Variants in ATXN2 observed in about 807,000 individuals in gnomAD.
ATXN2 encodes the protein ataxin 2, also known as ataxin-2.
ATXN2 carries 37 observed loss-of-function variants against 138.6 expected under a neutral mutation model. The ratio of observed to expected loss-of-function variants is 0.27; its 90% CI spans 0.21 to 0.35. The LOEUF (loss-of-function observed/expected upper bound fraction) is 0.35. Among genes scored for constraint, ATXN2 ranks in the 10% least tolerant of loss-of-function variants. The pLI is 1.00. For missense variants in ATXN2, 1,216 were observed against 1,480.3 expected, an observed-to-expected ratio of 0.82 and a Z score of 2.93; for synonymous variants, 549 against 543.7, an observed-to-expected ratio of 1.01 and a Z score of -0.13.
intron 1 of ATXN2, among the ~76,000 whole-genome samples, chr12:111,566,998 G>GT (rs1470786157): frequency 6.6e-6 from 1 of 152,176 alleles, no homozygotes; most frequent in Non-Finnish European, 1.5e-5. Context: ...AGTAGAGCAA[G>GT]TAACTGCAGA....
chr12:111,485,931 A>G, intron 16 of ATXN2, 66 bp from the exon 17 acceptor site: 1 of 1,494,320 alleles, frequency 6.7e-7, no homozygotes, highest in Non-Finnish European at 9.1e-7. Context: ...CAATTTAAAG[A>G]CGGATTTTCC....
rs1673354572 is a variant in ATXN2 at position 111,552,861 on chromosome 12, A to G, written c.420+45T>C. 2 of 1,324,212 alleles carry G rather than the reference A, an allele frequency of 1.5e-6. No homozygotes were observed. Among genetic ancestry groups the G allele is most frequent in the African/African-American group, 3.0e-5 (2 of 65,728 alleles). 82.0% of individuals were successfully genotyped at this position (1,324,212 alleles called of 1,614,324 possible). A position where few individuals can be genotyped will look rare whatever the true frequency, so the allele number is the denominator to read the frequency against. ...AACTAGGTAAAACACTGACTATGAA[A>G]ATGTTCTTTTACTTTGTAAGAAAAA... On this transcript the variant is annotated intron_variant, in intron 4 of 24. Transcript: ENST00000673436. The surrounding 1 kb of genome is among the most constrained non-coding windows in gnomAD (Gnocchi z 4.1).
In ATXN2 at chr12:111,518,472, C is replaced by A. The variant is rs188956462; in HGVS notation, c.987-45G>T. ...TAAATCATTTTATTCTAAAAGGTAC[C>A]AAGCCAATGAAACATATCTAAAAGT... On this transcript the variant is annotated intron_variant, in intron 8 of 24. Transcript: ENST00000673436. 79 of 1,535,158 alleles carry A rather than the reference C, an allele frequency of 5.1e-5. No individual in the cohort carries two copies. Among genetic ancestry groups the A allele is most frequent in the Middle Eastern group, 1.7e-4 (1 of 5,718 alleles).
chr12:111,479,247 C>T (rs933835313), intron 18 of ATXN2: 3 of 291,292 alleles, frequency 1.0e-5, no homozygotes, highest in African/African-American at 4.4e-5. Context: ...TGAAATGCTA[C>T]CCAGCAATAA....
At chr12:111,495,991 A>AG (rs1878400285) in intron 14 of ATXN2, among the ~76,000 whole-genome samples, 1 of 151,692 alleles carries the variant, frequency 6.6e-6, no homozygotes, top group South Asian at 2.1e-4. Context: ...AAAAAAAAAA[A>AG]AAATCCAAAA....
chr12:111,590,577 T>C (rs1189268668), intron 1 of ATXN2, among the ~76,000 whole-genome samples: 1 of 151,492 alleles, frequency 6.6e-6, no homozygotes, highest in Non-Finnish European at 1.5e-5. Context: ...ACCAACTACA[T>C]GGGAGGCTAA....
Position 111,456,267 on chromosome 12 carries a change from A to G in ATXN2, c.3043-11T>C. 1 of 1,614,006 alleles carries G rather than the reference A, an allele frequency of 6.2e-7. No individual in the cohort carries two copies. The highest frequency in any genetic ancestry group is 8.5e-7 in the Non-Finnish European group (1 of 1,179,842). ...CTGGTGCTGATGGTGCTGCAAAGCG[A>G]CAGGAAAGAATTGAGAGGAAAACTT... On this transcript the variant is annotated splice_polypyrimidine_tract_variant and intron_variant, in intron 22 of 24. Transcript: ENST00000673436.
chr12:111,455,225 G>T (rs1055312120), intron 23 of ATXN2: 1 of 675,902 alleles, frequency 1.5e-6, no homozygotes, highest in South Asian at 1.5e-5. Flanking sequence ...CAATTCACCC[G>T]TAACAGCCCC....
rs1555246667 is a variant in ATXN2 at position 111,598,949 on chromosome 12, G to GGCGGCT, written c.85_86insAGCCGC (p.Gln28_Pro29insGlnPro). The GGCGGCT allele has an allele frequency of 4.2e-5, 60 of 1,412,072 alleles. No individual in the cohort carries two copies. In the South Asian group the frequency reaches 5.6e-4, roughly 13 times the overall value. The allele number at this position is 1,412,072 out of a possible 1,614,324, so 87.5% of individuals were successfully genotyped here. A position where few individuals can be genotyped will look rare whatever the true frequency, so the allele number is the denominator to read the frequency against. ...GCGGACATTGGCAGCCGCGGGCGGC[G>GGCGGCT]GCTGCTGCTGCTGCTGCTGCTGCTG... On this transcript the variant is annotated inframe_insertion, in exon 1 of 25. Coordinates refer to ENST00000673436, the MANE Select transcript of ATXN2 (RefSeq NM_001372574.1). The surrounding 1 kb of genome is among the most constrained non-coding windows in gnomAD (Gnocchi z 4.5).
At chr12:111,482,160 C>T (rs1024990476) in intron 18 of ATXN2, among the ~76,000 whole-genome samples, 5 of 150,900 alleles carry the variant, frequency 3.3e-5, no homozygotes, top group Non-Finnish European at 5.9e-5. Flanking sequence ...AAGACCAGCC[C>T]GGCCAACATG....
rs950439352 is a variant in ATXN2 at position 111,510,429 on chromosome 12, G to A, written c.1712C>T (p.Pro571Leu). 16 of 1,614,056 alleles carry A rather than the reference G, an allele frequency of 9.9e-6. No homozygotes were observed. Among genetic ancestry groups the A allele is most frequent in the Non-Finnish European group, 1.4e-5 (16 of 1,180,048 alleles). The change falls in exon 12 of 25, where the codon CCT becomes CTT. Residue 571 changes from proline (P) to leucine (L), a missense_variant. Pro to Leu is a moderately conservative substitution (Grantham distance 98). Coordinates refer to ENST00000673436, the MANE Select transcript of ATXN2 (RefSeq NM_001372574.1). ...AGCTCTGTTCGATGCAGGACTAGCA[G>A]GCGTAGGAGATGCAGCTGGAATAGG... ...AMPIPAASPT[P>L]ASPASNRAVT...
intron 1 of ATXN2, among the ~76,000 whole-genome samples, chr12:111,556,825 A>G (rs1020394653): frequency 6.6e-6 from 1 of 151,874 alleles, no homozygotes; most frequent in Non-Finnish European, 1.5e-5. Flanking sequence ...CAAAAAAAAA[A>G]AAAGAAAGAA....
At chr12:111,484,126 T>C (rs1266722288) in intron 18 of ATXN2, among the ~76,000 whole-genome samples, 5 of 152,162 alleles carry the variant, frequency 3.3e-5, no homozygotes, top group Non-Finnish European at 5.9e-5. Flanking sequence ...TTGAAGTTAG[T>C]TGCCCCTCTG....
At chr12:111,485,165 AAGTC>A (rs1326220663) in intron 18 of ATXN2, 96 bp downstream of exon 18, 2 of 1,126,812 alleles carry the variant, frequency 1.8e-6, no homozygotes, top group Admixed American at 1.9e-5. Context: ...CCTCATCAAA[AAGTC>A]AGAGCTAAAC....
chr12:111,598,513 G>T lies in ATXN2; in HGVS notation c.251+271C>A. The T allele has an allele frequency of 2.0e-6, 2 of 984,842 alleles. No homozygotes were observed. The highest frequency in any genetic ancestry group is 2.4e-6 in the Non-Finnish European group (2 of 829,790). 61.0% of individuals were successfully genotyped at this position (984,842 alleles called of 1,614,324 possible). Reference sequence around the variant, plus strand: ...GAGAACCCCTCCCAACACGCGTGGGGAGGGGAGGCCGCCCGCTCCCTCCAT... The same window carrying T: ...GAGAACCCCTCCCAACACGCGTGGGTAGGGGAGGCCGCCCGCTCCCTCCAT... On this transcript the variant is annotated intron_variant, in intron 1 of 24. Transcript: ENST00000673436. This position sits in a 1 kb window ranked among gnomAD's most constrained non-coding sequence, Gnocchi z 4.5.
chr12:111,555,281 G>A (rs1176314565), intron 2 of ATXN2, among the ~76,000 whole-genome samples: 4 of 152,052 alleles, frequency 2.6e-5, no homozygotes, highest in Non-Finnish European at 5.9e-5. Flanking sequence ...AAGAACAAGC[G>A]ACTTGTTCTT....
In ATXN2 at chr12:111,452,542, C is replaced by A. The variant is rs1049611990; in HGVS notation, c.*270G>T. On this transcript the variant is annotated 3_prime_UTR_variant, in exon 25 of 25. Transcript: ENST00000673436. ...AGGGTTATTAAAAAATAAATAACTTCCAGTTTCGGCAAGCAGAGCTGGGGT... is the reference window on the plus strand; with the variant it reads ...AGGGTTATTAAAAAATAAATAACTTACAGTTTCGGCAAGCAGAGCTGGGGT... The A allele has an allele frequency of 5.4e-6, 2 of 373,208 alleles. No individual in the cohort carries two copies. The highest frequency in any genetic ancestry group is 8.9e-5 in the East Asian group (2 of 22,532). The allele number at this position is 373,208 out of a possible 1,614,324, so 23.1% of individuals were successfully genotyped here. A position where few individuals can be genotyped will look rare whatever the true frequency, so the allele number is the denominator to read the frequency against.
chr12:111,582,212 G>A (rs953173216), intron 1 of ATXN2, among the ~76,000 whole-genome samples: 1 of 152,230 alleles, frequency 6.6e-6, no homozygotes, highest in East Asian at 1.9e-4. Flanking sequence ...GGGAGGCGAA[G>A]GCGGGCAGAT....
intron 1 of ATXN2, among the ~76,000 whole-genome samples, chr12:111,585,107 A>G (rs569150154): frequency 6.6e-6 from 1 of 152,332 alleles, no homozygotes; most frequent in South Asian, 2.1e-4. Context: ...AGATATAAAA[A>G]ATCATTTAAC....
Sources: gnomAD v4.1 joint callset for allele counts (sites outside exome capture counted in the v4.1 genomes callset) on GRCh38, gnomAD v4.1.1 for gene constraint, Gnocchi (gnomAD v3.1) non-coding constraint, MANE v1.5 for transcripts, NCBI Gene and HGNC (gene_info 2026-07-23, HGNC 2026-07-21) for gene names.